Variants in FHIT observed in about 807,000 individuals in gnomAD.
FHIT encodes the protein fragile histidine triad diadenosine triphosphatase, also known as bis(5'-adenosyl)-triphosphatase.
A neutral mutation model predicts 17.9 loss-of-function variants in FHIT; 19 were observed. That is an observed-to-expected ratio of 1.06 (90% CI 0.74 to 1.56). The LOEUF (loss-of-function observed/expected upper bound fraction) is 1.56, where lower values mean the gene tolerates loss of function less well. FHIT is among the 40% of genes most tolerant of loss of function. The pLI is 0.00. For synonymous variants in FHIT, 81 were observed against 69.7 expected (o/e 1.16, Z -0.81); for missense variants, 248 against 189.2 (o/e 1.31, Z -1.82).
At chr3:60,204,621 A>T (rs967320213) in intron 5 of FHIT, among the ~76,000 whole-genome samples, 8 of 151,988 alleles carry the variant, frequency 5.3e-5, no homozygotes, top group African/African-American at 1.9e-4. Flanking sequence ...GGGACAATAT[A>T]AAAAGCCAAT....
At chr3:59,771,398 C>A (rs1257659944) in intron 8 of FHIT, among the ~76,000 whole-genome samples, 1 of 152,172 alleles carries the variant, frequency 6.6e-6, no homozygotes, top group East Asian at 1.9e-4. Flanking sequence ...AAAGACAATT[C>A]TCCAAGAATA....
chr3:60,386,310 C>T (rs768807142), intron 5 of FHIT, among the ~76,000 whole-genome samples: 15 of 152,108 alleles, frequency 9.9e-5, no homozygotes, highest in Non-Finnish European at 2.1e-4. Flanking sequence ...CTGTGAGCTG[C>T]ACATTTTTTG....
chr3:60,691,220 C>T (rs2040981824), intron 4 of FHIT, among the ~76,000 whole-genome samples: 1 of 152,162 alleles, frequency 6.6e-6, no homozygotes, highest in Non-Finnish European at 1.5e-5. Flanking sequence ...GCCTCAAGAA[C>T]ATCTGTGATT....
intron 3 of FHIT, among the ~76,000 whole-genome samples, chr3:60,954,828 C>G (rs536492202): frequency 6.6e-6 from 1 of 152,238 alleles, no homozygotes; most frequent in South Asian, 2.1e-4. Context: ...TAGGAATACC[C>G]AAGGCAGACA....
At chr3:61,180,270 T>C (rs941230900) in intron 2 of FHIT, among the ~76,000 whole-genome samples, 9 of 152,228 alleles carry the variant, frequency 5.9e-5, no homozygotes, top group African/African-American at 2.2e-4. Flanking sequence ...AAGCCTCTGA[T>C]GGCTGGCTCA....
intron 5 of FHIT, among the ~76,000 whole-genome samples, chr3:60,327,471 T>A (rs1392808263): frequency 2.0e-5 from 3 of 152,234 alleles, no homozygotes; most frequent in African/African-American, 4.8e-5. Flanking sequence ...CGGGCATGGC[T>A]ATGTTCTAAC....
At chr3:60,112,899 A>G (rs565369074) in intron 5 of FHIT, among the ~76,000 whole-genome samples, 85 of 152,298 alleles carry the variant, frequency 5.6e-4, no homozygotes, top group African/African-American at 2.0e-3. Context: ...TCCTTATGGA[A>G]CCACTTTAAG....
intron 4 of FHIT, among the ~76,000 whole-genome samples, chr3:60,569,753 A>ATTTTTTTT (rs1200159409): frequency 3.0e-4 from 17 of 57,212 alleles, no homozygotes; most frequent in East Asian, 1.9e-3. Flanking sequence ...ATATATATAT[A>ATTTTTTTT]TATTTTTTTT....
chr3:59,753,090 C>T (rs1701009017), intron 8 of FHIT, among the ~76,000 whole-genome samples: 1 of 151,808 alleles, frequency 6.6e-6, no homozygotes, highest in African/African-American at 2.4e-5. Flanking sequence ...ACCCATAATC[C>T]CCTCCTTCAA....
At chr3:60,085,338 T>A (rs1703450457) in intron 5 of FHIT, among the ~76,000 whole-genome samples, 1 of 152,176 alleles carries the variant, frequency 6.6e-6, no homozygotes, top group Non-Finnish European at 1.5e-5. Context: ...AAGGCCCTAC[T>A]ACATCCTTTG....
chr3:60,317,218 T>C (rs1709201839), intron 5 of FHIT, among the ~76,000 whole-genome samples: 5 of 152,044 alleles, frequency 3.3e-5, no homozygotes, highest in Admixed American at 3.3e-4. Flanking sequence ...TAGTTATGTA[T>C]GAACACCCAC....
At chr3:60,286,484 G>A (rs938765523) in intron 5 of FHIT, among the ~76,000 whole-genome samples, 1 of 152,122 alleles carries the variant, frequency 6.6e-6, no homozygotes, top group African/African-American at 2.4e-5. Context: ...ACTTGTAGAG[G>A]ACATTTTCAA....
chr3:60,537,444 C>G lies in FHIT; in HGVS notation c.-17-465G>C, dbSNP rs148657047. ...ATATAATAGCAATTTAGAACAAGTA[C>G]GAACACTGTCTGACCTTGCCTACAA... is the stretch of plus-strand genomic sequence containing the variant. On this transcript the variant is annotated intron_variant, in intron 4 of 9. Coordinates refer to ENST00000492590, the MANE Select transcript of FHIT (RefSeq NM_002012.4). 9.1e-3 allele frequency: 8,880 copies of G among 979,910 alleles called. 56 individuals carry two copies. Among genetic ancestry groups the G allele is most frequent in the Middle Eastern group, 0.012 (23 of 1,908 alleles). 60.7% of individuals were successfully genotyped at this position (979,910 alleles called of 1,614,324 possible).
chr3:60,615,001 T>A (rs1442701563), intron 4 of FHIT, among the ~76,000 whole-genome samples: 4 of 151,930 alleles, frequency 2.6e-5, no homozygotes, highest in Admixed American at 6.6e-5. Flanking sequence ...GGCTAATTTT[T>A]GTACTATTAG....
chr3:60,912,826 A>G (rs1366270587), intron 3 of FHIT: 3 of 510,226 alleles, frequency 5.9e-6, no homozygotes, highest in Non-Finnish European at 1.2e-5. Flanking sequence ...GCTCTTTTTT[A>G]AAAAGCTATA....
intron 5 of FHIT, among the ~76,000 whole-genome samples, chr3:60,065,574 C>T (rs4024131): frequency 0.16 from 24,856 of 152,062 alleles, 2,272 homozygotes; most frequent in African/African-American, 0.23. Flanking sequence ...AAAATATAGA[C>T]TACCCCTAGG....
At chr3:60,792,265 T>C (rs552603408) in intron 4 of FHIT, among the ~76,000 whole-genome samples, 1 of 152,360 alleles carries the variant, frequency 6.6e-6, no homozygotes, top group Non-Finnish European at 1.5e-5. Flanking sequence ...GAGGGCTTTT[T>C]TTGTAAGTGT....
chr3:61,199,845 T>C (rs895875660), intron 2 of FHIT, among the ~76,000 whole-genome samples: 2 of 152,192 alleles, frequency 1.3e-5, no homozygotes, highest in African/African-American at 4.8e-5. Context: ...CCAAAGACTC[T>C]TGATGAAACC....
intron 5 of FHIT, among the ~76,000 whole-genome samples, chr3:60,259,429 T>C (rs1199085459): frequency 6.6e-6 from 1 of 152,136 alleles, no homozygotes; most frequent in Non-Finnish European, 1.5e-5. Flanking sequence ...AGATGAGTAG[T>C]GGGTGTGGAG....
Sources: gnomAD v4.1 joint callset for allele counts (sites outside exome capture counted in the v4.1 genomes callset) on GRCh38, gnomAD v4.1.1 for gene constraint, MANE v1.5 for transcripts, NCBI Gene and HGNC (gene_info 2026-07-23, HGNC 2026-07-21) for gene names.